NTN4: variants seen among roughly 807,000 people sequenced by gnomAD.
NTN4 encodes the protein netrin 4, also known as netrin-4.
A neutral mutation model predicts 73.6 loss-of-function variants in NTN4; 32 were observed. The observed-to-expected ratio is 0.44, with a 90% CI of 0.33 to 0.58. The LOEUF is 0.58. Among genes scored for constraint, NTN4 ranks in the 20% least tolerant of loss-of-function variants. The probability of loss-of-function intolerance (pLI) is 0.04; values close to 1 mark genes in which losing one functional copy is unlikely to be tolerated. For missense variants in NTN4, 654 were observed against 798.3 expected (o/e 0.82, Z 2.18); for synonymous variants, 258 against 287.5 (o/e 0.90, Z 1.04).
intron 2 of NTN4, among the ~76,000 whole-genome samples, chr12:95,783,900 A>G (rs2079149088): frequency 6.6e-6 from 1 of 151,884 alleles, no homozygotes; most frequent in Non-Finnish European, 1.5e-5. Context: ...GGTGCCTTCC[A>G]CTCTGTTGAT....
chr12:95,769,975 T>C (rs571016049), intron 2 of NTN4, among the ~76,000 whole-genome samples: 2 of 152,230 alleles, frequency 1.3e-5, no homozygotes, highest in African/African-American at 2.4e-5. Context: ...CAGGCTGGTC[T>C]TGAACTCCTG....
At chr12:95,763,831 G>C (rs913758951) in intron 2 of NTN4, among the ~76,000 whole-genome samples, 4 of 152,206 alleles carry the variant, frequency 2.6e-5, no homozygotes, top group African/African-American at 9.6e-5. Flanking sequence ...AAGAAATGAA[G>C]CTGACTGAGT....
chr12:95,783,272 A>G (rs1565919429), intron 2 of NTN4, among the ~76,000 whole-genome samples: 1 of 152,256 alleles, frequency 6.6e-6, no homozygotes, highest in Admixed American at 6.5e-5. Context: ...AGGGTTTCAT[A>G]GCCAAGTAAG....
At chr12:95,686,713 G>A (rs762983964) in intron 5 of NTN4, among the ~76,000 whole-genome samples, 2 of 148,228 alleles carry the variant, frequency 1.3e-5, no homozygotes, top group South Asian at 4.3e-4. Flanking sequence ...AGCTGAGATT[G>A]TACCACTGAC....
chr12:95,735,109 T>C (rs552811093), intron 3 of NTN4, among the ~76,000 whole-genome samples: 1 of 92,956 alleles, frequency 1.1e-5, no homozygotes, highest in African/African-American at 2.8e-5. Flanking sequence ...CAAGCTCTTT[T>C]CTAATTCAGA....
intron 6 of NTN4, among the ~76,000 whole-genome samples, chr12:95,683,264 G>A (rs1243309932): frequency 1.3e-5 from 2 of 152,130 alleles, no homozygotes; most frequent in African/African-American, 4.8e-5. Flanking sequence ...GTTTCATCAT[G>A]TTGGCCAGGC....
chr12:95,757,880 T>C (rs1172742697), intron 2 of NTN4, among the ~76,000 whole-genome samples: 2 of 152,026 alleles, frequency 1.3e-5, no homozygotes, highest in Admixed American at 1.3e-4. Flanking sequence ...TATTGAGAGC[T>C]TAGATGGAAT....
chr12:95,712,202 C>G (rs1475873109), intron 4 of NTN4, among the ~76,000 whole-genome samples: 3 of 152,142 alleles, frequency 2.0e-5, no homozygotes, highest in Non-Finnish European at 4.4e-5. Flanking sequence ...GGCTCATGTT[C>G]CCATATTTTA....
chr12:95,776,250 A>C (rs989319155), intron 2 of NTN4, among the ~76,000 whole-genome samples: 1 of 152,220 alleles, frequency 6.6e-6, no homozygotes, highest in Non-Finnish European at 1.5e-5. Context: ...AAAAATCAGA[A>C]CACCTCTCCT....
chr12:95,664,234 T>G (rs945829053), intron 9 of NTN4, among the ~76,000 whole-genome samples: 5 of 151,998 alleles, frequency 3.3e-5, no homozygotes, highest in African/African-American at 1.2e-4. Context: ...TTTAAAAAAT[T>G]TTTTGTGGAT....
intron 2 of NTN4, among the ~76,000 whole-genome samples, chr12:95,771,322 T>C (rs1175779969): frequency 6.6e-6 from 1 of 152,186 alleles, no homozygotes; most frequent in Non-Finnish European, 1.5e-5. Flanking sequence ...ACTGAGTGTA[T>C]GCAAACTGCC....
chr12:95,787,344 C>G lies in NTN4; in HGVS notation c.180G>C (p.Leu60=), dbSNP rs769672733. ...DTTCGQNATE[L]YCFYSENTDL... ...CCGTGTTCTCACTGTAGAAGCAGTA[C>G]AGTTCGGTAGCATTCTGACCGCAGG... The change falls in exon 2 of 10, where the codon CTG becomes CTC. Residue 60 remains leucine (L), a synonymous_variant. Transcript: ENST00000343702. The G allele has an allele frequency of 5.0e-6, 8 of 1,614,238 alleles. No individual in the cohort carries two copies. The South Asian group carries it at 7.7e-5, about 16-fold the overall frequency.
intron 5 of NTN4, among the ~76,000 whole-genome samples, chr12:95,705,882 T>G (rs952945225): frequency 6.6e-6 from 1 of 152,346 alleles, no homozygotes; most frequent in South Asian, 2.1e-4. Context: ...ACCTAGCACA[T>G]AGTAGCACTG....
rs79043219 is a variant in NTN4 at position 95,717,389 on chromosome 12, C to T, written c.865-4051G>A. ...TTGGACAAGTCAATTCCCTCTACAG[C>T]GAGGATTTCAGAGCATTCCCTTGAT... On this transcript the variant is annotated intron_variant, in intron 3 of 9. Coordinates refer to ENST00000343702, the MANE Select transcript of NTN4 (RefSeq NM_021229.4). Among the ~76,000 whole-genome samples the T allele has an allele frequency of 1.8e-3, 269 of 152,226 alleles. 2 individuals carry two copies. The highest frequency in any genetic ancestry group is 6.3e-3 in the African/African-American group (261 of 41,550).
chr12:95,675,576 T>A (rs981246610), intron 7 of NTN4, among the ~76,000 whole-genome samples: 4 of 151,954 alleles, frequency 2.6e-5, no homozygotes, highest in African/African-American at 9.7e-5. Context: ...CAATATTAGA[T>A]AAAGGACGGA....
At chr12:95,721,272 G>A (rs2078645743) in intron 3 of NTN4, among the ~76,000 whole-genome samples, 1 of 152,162 alleles carries the variant, frequency 6.6e-6, no homozygotes, top group African/African-American at 2.4e-5. Context: ...CTTCATGAGT[G>A]TTCTGTGCTT....
rs140192266 is a variant in NTN4, at chr12:95,724,068, T to C, written c.865-10730A>G. 2.7e-3 allele frequency among the ~76,000 whole-genome samples: 417 copies of C among 152,302 alleles called. 1 individual carries two copies. Among genetic ancestry groups the C allele is most frequent in the African/African-American group, 9.6e-3 (397 of 41,570 alleles). Reference sequence around the variant, plus strand: ...ATACTTGAGGATTTACTTCTAAAAATGGAATTTTAACATGTTTCGTATAGT... The same window carrying C: ...ATACTTGAGGATTTACTTCTAAAAACGGAATTTTAACATGTTTCGTATAGT... On this transcript the variant is annotated intron_variant, in intron 3 of 9. Transcript: ENST00000343702.
At chr12:95,711,841 A>G (rs751903633) in intron 4 of NTN4, among the ~76,000 whole-genome samples, 8 of 152,218 alleles carry the variant, frequency 5.3e-5, no homozygotes, top group Non-Finnish European at 1.0e-4. Context: ...TCTCTTCATG[A>G]GTGATTTAGA....
At chr12:95,774,186 T>TTA (rs1555221757) in intron 2 of NTN4, among the ~76,000 whole-genome samples, 90 of 148,804 alleles carry the variant, frequency 6.0e-4, no homozygotes, top group Middle Eastern at 7.0e-3. Context: ...TTTTTTTTTT[T>TTA]AAAAAAAAAA....
Sources: gnomAD v4.1 joint callset for allele counts (sites outside exome capture counted in the v4.1 genomes callset) on GRCh38, gnomAD v4.1.1 for gene constraint, MANE v1.5 for transcripts, NCBI Gene and HGNC (gene_info 2026-07-23, HGNC 2026-07-21) for gene names.